Variants in ADGRA3 observed in about 807,000 individuals in gnomAD.
ADGRA3 encodes the protein G-protein coupled receptor 125.
A neutral mutation model predicts 119.8 loss-of-function variants in ADGRA3; 56 were observed. The ratio of observed to expected loss-of-function variants is 0.47; its 90% CI spans 0.38 to 0.58. ADGRA3 has a LOEUF of 0.58. ADGRA3 is among the 20% of genes least tolerant of loss of function. ADGRA3 has a pLI of 0.00. For missense variants in ADGRA3, 1,516 were observed against 1,649.0 expected (o/e 0.92, Z 1.40); for synonymous variants, 607 against 623.8 (o/e 0.97, Z 0.40).
At chr4:22,402,468 T>C (rs923013023) in intron 15 of ADGRA3, among the ~76,000 whole-genome samples, 18 of 152,234 alleles carry the variant, frequency 1.2e-4, no homozygotes, top group African/African-American at 4.3e-4. Flanking sequence ...ACTGACTGGA[T>C]GCTGTAAAAA....
Position 22,387,697 on chromosome 4 carries a change from C to A in ADGRA3, c.*8G>T. The A allele has an allele frequency of 1.9e-6, 3 of 1,584,340 alleles. No individual in the cohort carries two copies. The highest frequency in any genetic ancestry group is 2.6e-6 in the Non-Finnish European group (3 of 1,163,720). ...TATATGAATTTCTGCCTAGGAAGCCCAGCAATGTTACACAGTAGTTTCGTG... is the reference window on the plus strand; with the variant it reads ...TATATGAATTTCTGCCTAGGAAGCCAAGCAATGTTACACAGTAGTTTCGTG... On this transcript the variant is annotated 3_prime_UTR_variant, in exon 19 of 19. Transcript: ENST00000334304.
chr4:22,434,011 T>G (rs1012581706), intron 10 of ADGRA3, among the ~76,000 whole-genome samples: 1 of 152,056 alleles, frequency 6.6e-6, no homozygotes, highest in Non-Finnish European at 1.5e-5. Flanking sequence ...TTTATATACA[T>G]GTATCTATTT....
chr4:22,426,355 T>G (rs1715931217), intron 10 of ADGRA3, among the ~76,000 whole-genome samples: 1 of 152,152 alleles, frequency 6.6e-6, no homozygotes, highest in Non-Finnish European at 1.5e-5. Flanking sequence ...ATCTTGAGGG[T>G]AGAGACAACA....
intron 1 of ADGRA3, among the ~76,000 whole-genome samples, chr4:22,482,737 G>A (rs1718295837): frequency 6.6e-6 from 1 of 152,144 alleles, no homozygotes; most frequent in African/African-American, 2.4e-5. Flanking sequence ...AATTTGCAAG[G>A]CAAAAGAAAT....
In ADGRA3 at chr4:22,389,841, A is replaced by C. The variant is rs557792447; in HGVS notation, c.2628-658T>G. Among the ~76,000 whole-genome samples, 4 of 152,296 alleles carry C rather than the reference A, an allele frequency of 2.6e-5. No individual in the cohort carries two copies. In the South Asian group the frequency reaches 6.2e-4, roughly 24 times the overall value. ...TCCTACAAAGAAAAACTCTGTGCTC[A>C]TCTCTGAGCTCCTTGATCTCTCTGA... On this transcript the variant is annotated intron_variant, in intron 17 of 18. Coordinates refer to ENST00000334304, the MANE Select transcript of ADGRA3 (RefSeq NM_145290.4).
chr4:22,497,184 G>A (rs1340379755), intron 1 of ADGRA3, among the ~76,000 whole-genome samples: 8 of 152,192 alleles, frequency 5.3e-5, no homozygotes, highest in Admixed American at 5.2e-4. Flanking sequence ...TAATAAATAT[G>A]TGGTAATACA....
At chr4:22,414,346 C>G (rs1189135232) in intron 12 of ADGRA3, 1 of 357,010 alleles carries the variant, frequency 2.8e-6, no homozygotes, top group Non-Finnish European at 5.0e-6. Flanking sequence ...TTCCTTGAGA[C>G]TAGGAAACAC....
At chr4:22,514,785 G>A (rs1719579002) in intron 1 of ADGRA3, among the ~76,000 whole-genome samples, 1 of 152,182 alleles carries the variant, frequency 6.6e-6, no homozygotes, top group African/African-American at 2.4e-5. Context: ...GTGAATCCCA[G>A]CACAAGTGAG....
At chr4:22,416,833 C>T (rs1334495907) in intron 12 of ADGRA3, among the ~76,000 whole-genome samples, 1 of 152,108 alleles carries the variant, frequency 6.6e-6, no homozygotes, top group East Asian at 1.9e-4. Context: ...TCACTATTTA[C>T]AATGACACTA....
chr4:22,436,492 G>A lies in ADGRA3; in HGVS notation c.1235C>T (p.Ser412Phe), dbSNP rs1381776989. The A allele has an allele frequency of 9.3e-6, 15 of 1,612,670 alleles. No individual in the cohort carries two copies. Among genetic ancestry groups the A allele is most frequent in the Admixed American group, 1.7e-5 (1 of 59,994 alleles). ...GACATCATTTGCATACTGACAGCGA[G>A]AATAATCATCATCTGCCCAAAAGCC... ...RGGFWADDDY[S>F]RCQYANDVTR... Residue 412 changes from serine to phenylalanine, a missense_variant, in exon 9 of 19, where the codon TCT (serine) becomes TTT (phenylalanine). By Grantham distance (155) the Ser-to-Phe change is radical. Coordinates refer to ENST00000334304, the MANE Select transcript of ADGRA3 (RefSeq NM_145290.4).
rs752235101 is a variant in ADGRA3 at position 22,438,673 on chromosome 4, G to A, written c.921-253C>T. ...ATATGAATCAAATGCAATGCTATACGACGCATGAGAATTCTCCTTGCAGAA... is the reference window on the plus strand; with the variant it reads ...ATATGAATCAAATGCAATGCTATACAACGCATGAGAATTCTCCTTGCAGAA... On this transcript the variant is annotated intron_variant, in intron 7 of 18. Coordinates refer to ENST00000334304, the MANE Select transcript of ADGRA3 (RefSeq NM_145290.4). Among the ~76,000 whole-genome samples, 5 of 152,030 alleles carry A rather than the reference G, an allele frequency of 3.3e-5. No individual in the cohort carries two copies. In the South Asian group the frequency reaches 6.2e-4, roughly 19 times the overall value.
At chr4:22,478,838 CATA>C (rs1397428613) in intron 1 of ADGRA3, among the ~76,000 whole-genome samples, 1 of 152,006 alleles carries the variant, frequency 6.6e-6, no homozygotes, top group African/African-American at 2.4e-5. Context: ...ATTTACAAGC[CATA>C]ATAACTAAGG....
intron 1 of ADGRA3, among the ~76,000 whole-genome samples, chr4:22,476,025 A>C (rs1718031641): frequency 6.6e-6 from 1 of 152,218 alleles, no homozygotes; most frequent in African/African-American, 2.4e-5. Flanking sequence ...CCACCCGACA[A>C]AGCTATTTGT....
chr4:22,392,857 T>A lies in ADGRA3; in HGVS notation c.2482-167A>T, dbSNP rs532557957. The A allele has an allele frequency of 8.8e-5, 50 of 565,966 alleles. No individual in the cohort carries two copies. In the South Asian group the frequency reaches 1.2e-3, roughly 14 times the overall value. 35.1% of individuals were successfully genotyped at this position (565,966 alleles called of 1,614,324 possible). A position where few individuals can be genotyped will look rare whatever the true frequency, so the allele number is the denominator to read the frequency against. On this transcript the variant is annotated intron_variant, in intron 16 of 18. Coordinates refer to ENST00000334304, the MANE Select transcript of ADGRA3 (RefSeq NM_145290.4). ...GCAACACTGTGTTCTAATAGACATG[T>A]GACAGGGAATCACAATCCTCAAATA... is the stretch of plus-strand genomic sequence containing the variant.
chr4:22,410,185 CAA>C (rs1460629481), intron 14 of ADGRA3, among the ~76,000 whole-genome samples: 1 of 152,084 alleles, frequency 6.6e-6, no homozygotes, highest in African/African-American at 2.4e-5. Context: ...GTGAACACAA[CAA>C]AAGAGGAATC....
intron 10 of ADGRA3, among the ~76,000 whole-genome samples, chr4:22,426,150 G>A (rs7669616): frequency 0.98 from 148,963 of 152,272 alleles, 72,892 homozygotes; most frequent in Non-Finnish European, 0.99. Flanking sequence ...AGACTCTAGA[G>A]GTAGTAGAAG....
At chr4:22,467,589 A>C (rs560050428) in intron 2 of ADGRA3, among the ~76,000 whole-genome samples, 22 of 152,352 alleles carry the variant, frequency 1.4e-4, no homozygotes, top group Non-Finnish European at 2.6e-4. Flanking sequence ...TGAACTGCAT[A>C]TGTTTCTACA....
chr4:22,398,387 C>T (rs139006375), intron 16 of ADGRA3, among the ~76,000 whole-genome samples: 17 of 152,118 alleles, frequency 1.1e-4, no homozygotes, highest in African/African-American at 3.4e-4. Context: ...GCACAACCTG[C>T]CTTTATTTAG....
intron 10 of ADGRA3, among the ~76,000 whole-genome samples, chr4:22,425,072 TAAA>T (rs756972669): frequency 7.8e-6 from 1 of 128,890 alleles, no homozygotes; most frequent in African/African-American, 2.9e-5. Context: ...GAGACACTCT[TAAA>T]AAAAAAAAAA....
Sources: gnomAD v4.1 joint callset for allele counts (sites outside exome capture counted in the v4.1 genomes callset) on GRCh38, gnomAD v4.1.1 for gene constraint, MANE v1.5 for transcripts, NCBI Gene and HGNC (gene_info 2026-07-23, HGNC 2026-07-21) for gene names.